Variants in FRMD3 observed in about 807,000 individuals in gnomAD.
FRMD3 encodes FERM domain containing 3.
FRMD3 carries 33 observed loss-of-function variants against 70.2 expected under a neutral mutation model. The observed-to-expected ratio is 0.47, with a 90% CI of 0.36 to 0.63. FRMD3 has a LOEUF of 0.63. Ranked by LOEUF, FRMD3 falls within the 20% of genes least tolerant of loss-of-function variation. The pLI is 0.00. For synonymous variants in FRMD3, 279 were observed against 255.9 expected (o/e 1.09, Z -0.86); for missense variants, 632 against 711.4 (o/e 0.89, Z 1.27).
At chr9:83,355,586 C>T (rs1475914501) in intron 3 of FRMD3, among the ~76,000 whole-genome samples, 1 of 152,182 alleles carries the variant, frequency 6.6e-6, no homozygotes, top group Non-Finnish European at 1.5e-5. Flanking sequence ...GTCACAGTGC[C>T]AGTGCCAGCC....
At chr9:83,489,807 C>T (rs1168684924) in intron 1 of FRMD3, among the ~76,000 whole-genome samples, 1 of 152,180 alleles carries the variant, frequency 6.6e-6, no homozygotes, top group Non-Finnish European at 1.5e-5. Flanking sequence ...CCATTATCAT[C>T]AGAGTAGGTA....
intron 6 of FRMD3, among the ~76,000 whole-genome samples, chr9:83,315,996 C>T (rs1835550883): frequency 6.6e-6 from 1 of 152,088 alleles, no homozygotes; most frequent in Non-Finnish European, 1.5e-5. Flanking sequence ...GGCCTGGATC[C>T]CTTCTGTTTC....
Position 83,536,930 on chromosome 9 carries a change from T to TAAAAAAAAAAAAAAAAAAA in FRMD3, c.147+1136_147+1154dup, listed in dbSNP as rs142272516. ...ATGGGTGGTGTGCCCTGTATTACAC[T>TAAAAAAAAAAAAAAAAAAA]AAAAAAAAAAAAAAAAAAAAAAAGC... On this transcript the variant is annotated intron_variant, in intron 1 of 13. Transcript: ENST00000304195. Among the ~76,000 whole-genome samples the TAAAAAAAAAAAAAAAAAAA allele has an allele frequency of 1.8e-3, 109 of 60,856 alleles. 10 individuals are homozygous for TAAAAAAAAAAAAAAAAAAA. The highest frequency in any genetic ancestry group is 8.5e-3 in the Middle Eastern group (1 of 118). The allele number at this position is 60,856 out of a possible 152,430, so 39.9% of individuals were successfully genotyped here. A position where few individuals can be genotyped will look rare whatever the true frequency, so the allele number is the denominator to read the frequency against.
intron 3 of FRMD3, among the ~76,000 whole-genome samples, chr9:83,357,237 TAATACATACA>T (rs1205529078): frequency 9.1e-5 from 1 of 10,938 alleles, no homozygotes; most frequent in Admixed American, 1.4e-3. Context: ...TATATATATA[TAATACATACA>T]TATATATATA....
At chr9:83,308,042 T>A (rs1835205772) in intron 10 of FRMD3, among the ~76,000 whole-genome samples, 1 of 152,212 alleles carries the variant, frequency 6.6e-6, no homozygotes, top group Non-Finnish European at 1.5e-5. Flanking sequence ...CAGGAAGGTC[T>A]ACTGGTACAC....
intron 1 of FRMD3, among the ~76,000 whole-genome samples, chr9:83,390,902 C>T (rs1236342427): frequency 6.6e-6 from 1 of 152,180 alleles, no homozygotes; most frequent in Non-Finnish European, 1.5e-5. Flanking sequence ...TCATTAAAGA[C>T]CACTACCATT....
At chr9:83,315,119 C>T (rs545106579) in intron 6 of FRMD3, among the ~76,000 whole-genome samples, 1 of 152,096 alleles carries the variant, frequency 6.6e-6, no homozygotes, top group East Asian at 1.9e-4. Context: ...CTTCAAATAG[C>T]AGCCTGTTCT....
intron 5 of FRMD3, among the ~76,000 whole-genome samples, chr9:83,336,270 A>G (rs941481689): frequency 5.3e-5 from 8 of 152,192 alleles, no homozygotes; most frequent in Non-Finnish European, 1.2e-4. Flanking sequence ...CAATGCATAC[A>G]TATTTCAAAA....
chr9:83,547,272 C>A, the FRMD3 span, among the ~76,000 whole-genome samples: 7 of 147,888 alleles, frequency 4.7e-5, no homozygotes, highest in Admixed American at 4.1e-4. Flanking sequence ...TAATGACCTT[C>A]TTTGTCATTA....
intron 1 of FRMD3, among the ~76,000 whole-genome samples, chr9:83,421,102 G>A (rs1489516971): frequency 1.3e-5 from 2 of 151,304 alleles, no homozygotes; most frequent in African/African-American, 2.4e-5. Context: ...CACCACGCCC[G>A]GCTAATTTTT....
rs376765270 is a variant in FRMD3, at chr9:83,352,341, A to T, written c.296-2584T>A. ...AGGAAGATCACAGAAAATGGCCCCA[A>T]ACGAGAGCTGTCCTTTCTCTCCTTC... On this transcript the variant is annotated intron_variant, in intron 3 of 13. Coordinates refer to ENST00000304195, the MANE Select transcript of FRMD3 (RefSeq NM_174938.6). Among the ~76,000 whole-genome samples the T allele has an allele frequency of 3.3e-5, 5 of 152,360 alleles. No homozygotes were observed. In the East Asian group the frequency reaches 9.6e-4, roughly 29 times the overall value.
At position 83,524,672 on chromosome 9, in the gene FRMD3, T is replaced by C. The variant is rs1343543961; in HGVS notation, c.147+13413A>G. ...AAATACAAGACACAATACCCCATCC[T>C]AATCTTGCTAAATATGAGACATTGG... On this transcript the variant is annotated intron_variant, in intron 1 of 13. Coordinates refer to ENST00000304195, the MANE Select transcript of FRMD3 (RefSeq NM_174938.6). Among the ~76,000 whole-genome samples, 6 of 152,228 alleles carry C rather than the reference T, an allele frequency of 3.9e-5. No homozygotes were observed. In the East Asian group the frequency reaches 1.2e-3, roughly 29 times the overall value.
intron 1 of FRMD3, among the ~76,000 whole-genome samples, chr9:83,407,356 C>T (rs1347462988): frequency 3.9e-5 from 6 of 152,164 alleles, no homozygotes; most frequent in African/African-American, 1.4e-4. Flanking sequence ...AAATGGCCAA[C>T]CCCAACAAGG....
intron 1 of FRMD3, among the ~76,000 whole-genome samples, chr9:83,480,988 G>A (rs1031685693): frequency 6.6e-6 from 1 of 152,160 alleles, no homozygotes; most frequent in African/African-American, 2.4e-5. Flanking sequence ...TAGCCATTTT[G>A]TAAACTGAAA....
At chr9:83,568,254 C>T in the FRMD3 span, among the ~76,000 whole-genome samples, 1 of 152,118 alleles carries the variant, frequency 6.6e-6, no homozygotes, top group Non-Finnish European at 1.5e-5. Flanking sequence ...GATTCAATTA[C>T]CTCCCCCTGG....
rs1262969232 is a variant in FRMD3 at position 83,283,538 on chromosome 9, AAAAAAAAAAATAAT to A, written c.1195+7051_1195+7064del. 1.2e-3 allele frequency among the ~76,000 whole-genome samples: 40 copies of A among 34,768 alleles called. 1 individual carries two copies. In the Admixed American group the frequency reaches 0.015, roughly 13 times the overall value. The allele number at this position is 34,768 out of a possible 152,430, so 22.8% of individuals were successfully genotyped here. On this transcript the variant is annotated intron_variant, in intron 13 of 13. Transcript: ENST00000304195. ...AGAGCGAGAATCCATCTCAAAAAAAAAAAAAAAAAATAATAATAATAATAATAATAATAATAATC... is the reference window on the plus strand; with the variant it reads ...AGAGCGAGAATCCATCTCAAAAAAAAAATAATAATAATAATAATAATAATC...
intron 2 of FRMD3, among the ~76,000 whole-genome samples, chr9:83,387,522 C>T (rs1171992395): frequency 6.6e-6 from 1 of 152,176 alleles, no homozygotes; most frequent in Non-Finnish European, 1.5e-5. Context: ...GCTAGAATTA[C>T]GTCTGCAGGC....
At chr9:83,398,420 T>C (rs1339308923) in intron 1 of FRMD3, among the ~76,000 whole-genome samples, 1 of 152,284 alleles carries the variant, frequency 6.6e-6, no homozygotes, top group East Asian at 1.9e-4. Flanking sequence ...AAAACAAGAA[T>C]AGAGGAACCT....
At chr9:83,284,061 A>ATTTTTTTTTTTTTTTTTTTTTTTTTTTTT (rs71365307) in intron 13 of FRMD3, among the ~76,000 whole-genome samples, 2 of 101,712 alleles carry the variant, frequency 2.0e-5, no homozygotes, top group African/African-American at 3.7e-5. Context: ...CTAGGATGTT[A>ATTTTTTTTTTTTTTTTTTTTTTTTTTTTT]TTTTTTTTTT....
Sources: gnomAD v4.1 joint callset for allele counts (sites outside exome capture counted in the v4.1 genomes callset) on GRCh38, gnomAD v4.1.1 for gene constraint, MANE v1.5 for transcripts, NCBI Gene and HGNC (gene_info 2026-07-23, HGNC 2026-07-21) for gene names.